OTUD7B: variants seen among roughly 807,000 people sequenced by gnomAD.
OTUD7B encodes OTU deubiquitinase 7B.
A neutral mutation model predicts 82.2 loss-of-function variants in OTUD7B; 34 were observed. That is an observed-to-expected ratio of 0.41 (90% CI 0.31 to 0.55). OTUD7B has a LOEUF of 0.55. Among genes scored for constraint, OTUD7B ranks in the 20% least tolerant of loss-of-function variants. OTUD7B has a pLI of 0.20. For missense variants in OTUD7B, 944 were observed against 1,062.1 expected (o/e 0.89, Z 1.55); for synonymous variants, 398 against 402.7 (o/e 0.99, Z 0.14).
intron 1 of OTUD7B, among the ~76,000 whole-genome samples, chr1:149,993,196 C>T (rs963604706): frequency 6.6e-6 from 1 of 152,094 alleles, no homozygotes; most frequent in Non-Finnish European, 1.5e-5. Context: ...ACTTCCCTCA[C>T]ATTCACATTT....
intron 1 of OTUD7B, among the ~76,000 whole-genome samples, chr1:149,997,521 C>G (rs587742236): frequency 6.6e-6 from 1 of 152,118 alleles, no homozygotes. Context: ...CTCAAGCAAG[C>G]CTACCTTCTT....
chr1:149,997,067 C>A (rs192099872), intron 1 of OTUD7B, among the ~76,000 whole-genome samples: 2 of 152,098 alleles, frequency 1.3e-5, no homozygotes, highest in Admixed American at 1.3e-4. Context: ...TCAAAAAATC[C>A]GAGAATATTT....
chr1:149,986,349 G>C (rs1651141953), intron 1 of OTUD7B, among the ~76,000 whole-genome samples: 1 of 151,910 alleles, frequency 6.6e-6, no homozygotes, highest in African/African-American at 2.4e-5. Context: ...ATATGTTTAA[G>C]ATTGTTATAC....
At position 149,942,334 on chromosome 1, in the gene OTUD7B, A is replaced by C. The variant is rs1647315468; in HGVS notation, c.*1523T>G. ...TTTTCCCGGAAAAAAATATAAAGAA[A>C]AAGGAAAATTGGCCCAGGATAGGTC... is the stretch of plus-strand genomic sequence containing the variant. On this transcript the variant is annotated 3_prime_UTR_variant, in exon 12 of 12. Coordinates refer to ENST00000581312, the MANE Select transcript of OTUD7B (RefSeq NM_020205.4). 6.6e-6 allele frequency: 1 copy of C among 152,668 alleles called. No homozygotes were observed. Among genetic ancestry groups the C allele is most frequent in the African/African-American group, 2.4e-5 (1 of 41,446 alleles). The allele number at this position is 152,668 out of a possible 1,614,324, so 9.5% of individuals were successfully genotyped here. A position where few individuals can be genotyped will look rare whatever the true frequency, so the allele number is the denominator to read the frequency against.
chr1:150,050,923 A>AG, the OTUD7B span, among the ~76,000 whole-genome samples: 2 of 151,320 alleles, frequency 1.3e-5, no homozygotes, highest in Admixed American at 1.3e-4. Flanking sequence ...CCTTAAAAAA[A>AG]AAAAAGAAAA....
intron 2 of OTUD7B, among the ~76,000 whole-genome samples, chr1:149,975,953 G>A (rs587614365): frequency 4.6e-5 from 7 of 152,006 alleles, no homozygotes; most frequent in East Asian, 3.9e-4. Flanking sequence ...TCTGGGAGGC[G>A]GAGGTTGTGG....
chr1:150,007,187 T>C (rs1652726879), intron 1 of OTUD7B, among the ~76,000 whole-genome samples: 1 of 152,228 alleles, frequency 6.6e-6, no homozygotes, highest in Non-Finnish European at 1.5e-5. Context: ...TCCTTTCTTT[T>C]CTTTTATTCC....
chr1:149,958,735 A>T (rs1471401750), intron 7 of OTUD7B, among the ~76,000 whole-genome samples: 2 of 85,788 alleles, frequency 2.3e-5, no homozygotes, highest in East Asian at 7.0e-4. Flanking sequence ...ACACATCCCA[A>T]CTGGTTGATG....
intron 1 of OTUD7B, among the ~76,000 whole-genome samples, chr1:149,990,835 C>T (rs1553781921): frequency 6.6e-6 from 1 of 151,966 alleles, no homozygotes; most frequent in Non-Finnish European, 1.5e-5. Flanking sequence ...CTACTAAATA[C>T]AAAAAATTAG....
intron 1 of OTUD7B, among the ~76,000 whole-genome samples, chr1:149,987,462 C>A (rs1651230672): frequency 6.6e-6 from 1 of 152,198 alleles, no homozygotes; most frequent in Non-Finnish European, 1.5e-5. Flanking sequence ...GCCTCAGATT[C>A]TTCATGTATA....
chr1:150,033,601 T>TAGTTA, the OTUD7B span, among the ~76,000 whole-genome samples: 1 of 152,182 alleles, frequency 6.6e-6, no homozygotes, highest in Non-Finnish European at 1.5e-5. Context: ...ACAGTAACAG[T>TAGTTA]AGTTATCATC....
chr1:149,972,045 A>T (rs1478237698), intron 2 of OTUD7B, among the ~76,000 whole-genome samples: 1 of 152,086 alleles, frequency 6.6e-6, no homozygotes, highest in Non-Finnish European at 1.5e-5. Context: ...CATAATCGAG[A>T]TTTTTAATGG....
At chr1:149,998,918 C>T (rs1478958854) in intron 1 of OTUD7B, among the ~76,000 whole-genome samples, 3 of 152,206 alleles carry the variant, frequency 2.0e-5, no homozygotes, top group Admixed American at 6.5e-5. Flanking sequence ...TATACTGCTA[C>T]ATAGCCTGTA....
At chr1:149,997,145 G>A (rs1469627908) in intron 1 of OTUD7B, among the ~76,000 whole-genome samples, 3 of 152,138 alleles carry the variant, frequency 2.0e-5, no homozygotes, top group Non-Finnish European at 4.4e-5. Flanking sequence ...AGTGTTAGCT[G>A]ATTCAGAAAA....
the OTUD7B span, chr1:150,054,135 T>C: frequency 8.3e-6 from 3 of 362,710 alleles, no homozygotes; most frequent in South Asian, 8.5e-5. Context: ...CCTGCAACTA[T>C]TACAAAACCA....
rs995423530 is a variant in OTUD7B at position 149,943,599 on chromosome 1, C to T, written c.*258G>A. ...CCAGGAGGTTATAAGACAGAATCGC[C>T]ATCTTTTCCCCTTGTACCTCAAACC... On this transcript the variant is annotated 3_prime_UTR_variant, in exon 12 of 12. Transcript: ENST00000581312. 4.2e-6 allele frequency: 2 copies of T among 477,532 alleles called. No individual in the cohort carries two copies. The highest frequency in any genetic ancestry group is 1.9e-5 in the African/African-American group (1 of 51,506). 29.6% of individuals were successfully genotyped at this position (477,532 alleles called of 1,614,324 possible).
the OTUD7B span, among the ~76,000 whole-genome samples, chr1:150,052,036 C>A: frequency 1.3e-5 from 2 of 152,052 alleles, no homozygotes; most frequent in Admixed American, 1.3e-4. Flanking sequence ...AATAATGAGT[C>A]ATCTATGACA....
chr1:149,987,909 A>G (rs1476170125), intron 1 of OTUD7B, among the ~76,000 whole-genome samples: 2 of 152,150 alleles, frequency 1.3e-5, no homozygotes, highest in African/African-American at 4.8e-5. Flanking sequence ...TAGCTCATTC[A>G]TTCCCAAATC....
At chr1:150,008,583 C>T (rs1559871154) in intron 1 of OTUD7B, among the ~76,000 whole-genome samples, 1 of 152,100 alleles carries the variant, frequency 6.6e-6, no homozygotes, top group Non-Finnish European at 1.5e-5. Context: ...AGGGAGTCTT[C>T]AGTATTAAAA....
Sources: allele counts gnomAD v4.1 joint callset (sites outside exome capture counted in the v4.1 genomes callset), GRCh38; gene constraint gnomAD v4.1.1; transcripts MANE v1.5; gene names NCBI Gene and HGNC (gene_info 2026-07-23, HGNC 2026-07-21).